Variants in BBX observed in about 807,000 individuals in gnomAD.
BBX encodes HMG box transcription factor BBX.
In BBX, 30 loss-of-function variants were observed where a neutral mutation model predicts 100.2. The observed-to-expected ratio is 0.30, with a 90% CI of 0.22 to 0.41. The LOEUF (loss-of-function observed/expected upper bound fraction) is 0.41. BBX is among the 10% of genes least tolerant of loss of function. The pLI is 1.00. For synonymous variants in BBX, 376 were observed against 388.1 expected (o/e 0.97, Z 0.37); for missense variants, 1,023 against 1,129.8 (o/e 0.91, Z 1.35).
At chr3:107,539,031 C>T (rs758054242) in intron 2 of BBX, among the ~76,000 whole-genome samples, 1 of 152,082 alleles carries the variant, frequency 6.6e-6, no homozygotes, top group Non-Finnish European at 1.5e-5. Flanking sequence ...CTCAAGTGAT[C>T]CTCCTTCCTC....
At chr3:107,636,818 A>G (rs923705013) in intron 2 of BBX, among the ~76,000 whole-genome samples, 1 of 152,252 alleles carries the variant, frequency 6.6e-6, no homozygotes, top group Non-Finnish European at 1.5e-5. Flanking sequence ...GAACTAATGC[A>G]GAGGGCATTT....
At chr3:107,628,022 A>G (rs1016485713) in intron 2 of BBX, among the ~76,000 whole-genome samples, 1 of 152,098 alleles carries the variant, frequency 6.6e-6, no homozygotes, top group Admixed American at 6.5e-5. Context: ...GTTATTTGTG[A>G]ATGAAATTAA....
At chr3:107,556,148 G>A (rs2050081239) in intron 2 of BBX, among the ~76,000 whole-genome samples, 1 of 152,058 alleles carries the variant, frequency 6.6e-6, no homozygotes, top group Non-Finnish European at 1.5e-5. Flanking sequence ...CACGGGCTCT[G>A]ATATTATATC....
chr3:107,684,401 T>TC (rs1329820636), intron 3 of BBX, among the ~76,000 whole-genome samples: 1 of 152,202 alleles, frequency 6.6e-6, no homozygotes, highest in Non-Finnish European at 1.5e-5. Flanking sequence ...ATATTTTTTT[T>TC]CTGAGGTAAT....
At chr3:107,742,890 C>T (rs1314111270) in intron 7 of BBX, among the ~76,000 whole-genome samples, 3 of 152,060 alleles carry the variant, frequency 2.0e-5, no homozygotes, top group Middle Eastern at 3.2e-3. Flanking sequence ...GATGTGTTGT[C>T]GTGGCCAAAT....
intron 2 of BBX, among the ~76,000 whole-genome samples, chr3:107,580,601 A>C (rs1417942910): frequency 6.6e-6 from 1 of 152,154 alleles, no homozygotes; most frequent in African/African-American, 2.4e-5. Context: ...AGGGGAAAAC[A>C]TCCTATGATT....
intron 3 of BBX, among the ~76,000 whole-genome samples, chr3:107,708,340 T>G (rs537663905): frequency 6.6e-6 from 1 of 152,302 alleles, no homozygotes; most frequent in East Asian, 1.9e-4. Context: ...AACATGTTTT[T>G]CTTTTCCCCC....
At chr3:107,541,535 T>G (rs1559790897) in intron 2 of BBX, among the ~76,000 whole-genome samples, 2 of 152,206 alleles carry the variant, frequency 1.3e-5, no homozygotes, top group African/African-American at 4.8e-5. Flanking sequence ...TCCATTTGAC[T>G]TAACTTTTTT....
intron 2 of BBX, among the ~76,000 whole-genome samples, chr3:107,639,778 C>CA (rs1341206845): frequency 6.6e-6 from 1 of 152,084 alleles, no homozygotes; most frequent in Admixed American, 6.5e-5. Context: ...TGGCAATGTA[C>CA]ATTAAATCAG....
At chr3:107,584,796 G>T (rs962866587) in intron 2 of BBX, among the ~76,000 whole-genome samples, 7 of 133,546 alleles carry the variant, frequency 5.2e-5, no homozygotes, top group African/African-American at 2.0e-4. Context: ...GGTTCAAGCA[G>T]TTCTCCTGCT....
At chr3:107,788,618 A>T (rs971546454) in intron 13 of BBX, among the ~76,000 whole-genome samples, 10 of 152,006 alleles carry the variant, frequency 6.6e-5, no homozygotes, top group African/African-American at 2.2e-4. Context: ...AAAAAAAAAT[A>T]CAAAAAATTA....
At chr3:107,747,720 C>G (rs890401001) in intron 8 of BBX, among the ~76,000 whole-genome samples, 1 of 150,676 alleles carries the variant, frequency 6.6e-6, no homozygotes, top group Non-Finnish European at 1.5e-5. Flanking sequence ...TGATATATAC[C>G]TGGTACCCTT....
At chr3:107,758,606 C>T (rs555423523) in intron 10 of BBX, among the ~76,000 whole-genome samples, 2 of 152,206 alleles carry the variant, frequency 1.3e-5, no homozygotes, top group South Asian at 2.1e-4. Context: ...CAAGATACTT[C>T]CTACTGTCGG....
chr3:107,551,039 T>G (rs1436537834), intron 2 of BBX, among the ~76,000 whole-genome samples: 2 of 152,176 alleles, frequency 1.3e-5, no homozygotes, highest in African/African-American at 2.4e-5. Context: ...GCTATCTAAG[T>G]CATTCTCCTA....
chr3:107,643,975 T>A (rs1576146918), intron 2 of BBX, among the ~76,000 whole-genome samples: 1 of 152,150 alleles, frequency 6.6e-6, no homozygotes, highest in Non-Finnish European at 1.5e-5. Context: ...CTTCGTTATT[T>A]TAAGAGATTT....
chr3:107,532,286 A>C (rs2048214705), intron 2 of BBX, among the ~76,000 whole-genome samples: 3 of 152,206 alleles, frequency 2.0e-5, no homozygotes. Flanking sequence ...TTATGCTGTG[A>C]GTTTTATAGG....
chr3:107,747,274 G>A (rs949106757), intron 8 of BBX, among the ~76,000 whole-genome samples: 3 of 152,028 alleles, frequency 2.0e-5, no homozygotes, highest in African/African-American at 7.2e-5. Flanking sequence ...GAGGACGCAG[G>A]TGCTATGAAA....
At position 107,526,486 on chromosome 3, in the gene BBX, TA is replaced by T. The variant is rs533005144; in HGVS notation, c.-84+89del. 127 of 396,954 alleles carry T rather than the reference TA, an allele frequency of 3.2e-4. 1 individual carries two copies. The East Asian group carries it at 4.4e-3, about 14-fold the overall frequency. 24.6% of individuals were successfully genotyped at this position (396,954 alleles called of 1,614,324 possible). A position where few individuals can be genotyped will look rare whatever the true frequency, so the allele number is the denominator to read the frequency against. ...TTATTGTTCACAGAGGAAGATGCTTTATTGGGGTTACAGCACCCCAGAAACC... is the reference window on the plus strand; with the variant it reads ...TTATTGTTCACAGAGGAAGATGCTTTTTGGGGTTACAGCACCCCAGAAACC... On this transcript the variant is annotated intron_variant, in intron 2 of 17. Coordinates refer to ENST00000325805, the MANE Select transcript of BBX (RefSeq NM_001142568.3).
At chr3:107,659,628 T>C in intron 3 of BBX, 1 of 754,634 alleles carries the variant, frequency 1.3e-6, no homozygotes, top group East Asian at 7.2e-5. Context: ...TGCTAATAAG[T>C]GGCAAAGCTG....
Sources: allele counts gnomAD v4.1 joint callset (sites outside exome capture counted in the v4.1 genomes callset), GRCh38; gene constraint gnomAD v4.1.1; transcripts MANE v1.5; gene names NCBI Gene and HGNC (gene_info 2026-07-23, HGNC 2026-07-21).